The following SNCAIP variants were observed in gnomAD, a reference collection of about 807,000 sequenced individuals.
SNCAIP encodes the protein synuclein alpha interacting protein, also known as synphilin-1.
SNCAIP carries 43 observed loss-of-function variants against 86.7 expected under a neutral mutation model. The observed-to-expected ratio is 0.50, with a 90% CI of 0.39 to 0.64. The LOEUF (loss-of-function observed/expected upper bound fraction) is 0.64. Ranked by LOEUF, SNCAIP falls within the 30% of genes least tolerant of loss-of-function variation. SNCAIP has a pLI of 0.00. For missense variants in SNCAIP, 981 were observed against 1,103.1 expected, an observed-to-expected ratio of 0.89 and a Z score of 1.57; for synonymous variants, 417 against 427.2, an observed-to-expected ratio of 0.98 and a Z score of 0.29.
intron 1 of SNCAIP, among the ~76,000 whole-genome samples, chr5:122,340,763 T>G (rs1417525852): frequency 6.6e-6 from 1 of 152,206 alleles, no homozygotes; most frequent in South Asian, 2.1e-4. Context: ...ACTCAATTAT[T>G]CAAAAGCACA....
chr5:122,393,831 C>T (rs945855418), intron 2 of SNCAIP, among the ~76,000 whole-genome samples: 1 of 152,176 alleles, frequency 6.6e-6, no homozygotes, highest in African/African-American at 2.4e-5. Context: ...GTGATCCAGA[C>T]TTCATACCTT....
At position 122,450,544 on chromosome 5, in the gene SNCAIP, C is replaced by T. The variant is rs1286203994; in HGVS notation, c.1697C>T (p.Ser566Leu). 1.2e-6 allele frequency: 2 copies of T among 1,613,360 alleles called. No homozygotes were observed. The highest frequency in any genetic ancestry group is 1.7e-5 in the Admixed American group (1 of 60,026). ...CATCTTCTTTTTAGTTCACCATCCT[C>T]ACCTGCCTCCAGAAAGTCCCAGTGG... ...SLPSSPSSPS[S>L]PASRKSQWKS... is the part of the protein sequence containing the mutation. The change falls in exon 10 of 11, where the codon TCA (serine) becomes TTA (leucine). Residue 566 changes from serine (S) to leucine (L), a missense_variant. Ser to Leu is a moderately radical substitution (Grantham distance 145, BLOSUM62 -2). Transcript: ENST00000261368.
chr5:122,444,337 T>TCCTCCTCTCCTTCCCAGCCC (rs1781808094), intron 7 of SNCAIP: 3 of 591,892 alleles, frequency 5.1e-6, no homozygotes, highest in Non-Finnish European at 6.2e-6. Context: ...ATGGACAGCC[T>TCCTCCTCTCCTTCCCAGCCC]CCTCCTCTCC....
intron 1 of SNCAIP, among the ~76,000 whole-genome samples, chr5:122,350,490 G>A (rs557494781): frequency 2.7e-5 from 4 of 150,776 alleles, no homozygotes; most frequent in Admixed American, 2.0e-4. Flanking sequence ...CTTACAAAGG[G>A]TTTACAAGGA....
intron 6 of SNCAIP, among the ~76,000 whole-genome samples, chr5:122,432,769 A>G (rs1778665388): frequency 1.3e-5 from 2 of 152,160 alleles, no homozygotes; most frequent in South Asian, 4.1e-4. Context: ...GTTAAAAAAA[A>G]AAATTACTAC....
intron 1 of SNCAIP, among the ~76,000 whole-genome samples, chr5:122,350,647 C>T (rs1286369482): frequency 6.6e-6 from 1 of 152,060 alleles, no homozygotes; most frequent in Non-Finnish European, 1.5e-5. Flanking sequence ...ATGCAACAAT[C>T]ATCTTATTTT....
At chr5:122,328,330 T>C (rs1226235618) in intron 1 of SNCAIP, among the ~76,000 whole-genome samples, 1 of 152,230 alleles carries the variant, frequency 6.6e-6, no homozygotes, top group East Asian at 1.9e-4. Context: ...CATTTTGATG[T>C]TTATCAGCTC....
At position 122,403,855 on chromosome 5, in the gene SNCAIP, A is replaced by G. The variant is rs775801905; in HGVS notation, c.120A>G (p.Glu40=). 6.2e-7 allele frequency: 1 copy of G among 1,613,472 alleles called. No homozygotes were observed. Among genetic ancestry groups the G allele is most frequent in the South Asian group, 1.1e-5 (1 of 91,072 alleles). Residue 40 remains glutamate (E), a synonymous_variant, in exon 3 of 11, where the codon GAA becomes GAG. Transcript: ENST00000261368. ...GCCGAAGATGTGATACGCAAAACGA[A>G]GACAGATCAGGTAGGTTTTGCTCCT... ...ELCRRCDTQN[E]DRSVSSSSWN... is the part of the protein sequence containing the mutation.
At chr5:122,382,162 A>G (rs1766977944) in intron 1 of SNCAIP, among the ~76,000 whole-genome samples, 2 of 152,124 alleles carry the variant, frequency 1.3e-5, no homozygotes, top group East Asian at 1.9e-4. Context: ...CATTCTCCCC[A>G]TCACTTTCAG....
At chr5:122,444,437 T>C in intron 7 of SNCAIP, 126 bp from the exon 8 acceptor site, 1 of 812,708 alleles carries the variant, frequency 1.2e-6, no homozygotes, top group Non-Finnish European at 2.2e-6. Context: ...TGAAGGGAGG[T>C]GTGTGATATT....
Position 122,423,464 on chromosome 5 carries a change from G to C in SNCAIP, c.727G>C (p.Val243Leu), listed in dbSNP as rs947326923. Residue 243 changes from valine to leucine, a missense_variant, in exon 4 of 11, where the codon GTT becomes CTT. Physicochemically the swap from Val to Leu is conservative, Grantham distance 32. Transcript: ENST00000261368. Reference sequence around the variant, plus strand: ...AGAAACCGAGATCTCACCTCCTCTGGTTAAATGTGGCTCTGCATATGAGCC... The same window carrying C: ...AGAAACCGAGATCTCACCTCCTCTGCTTAAATGTGGCTCTGCATATGAGCC... Reference protein sequence around the residue: ...TEETEISPPLVKCGSAYEPEN... With the variant: ...TEETEISPPLLKCGSAYEPEN... 3 of 1,614,158 alleles carry C rather than the reference G, an allele frequency of 1.9e-6. No individual in the cohort carries two copies. The highest frequency in any genetic ancestry group is 2.5e-6 in the Non-Finnish European group (3 of 1,180,018).
chr5:122,461,200 C>T (rs532253047), intron 10 of SNCAIP, among the ~76,000 whole-genome samples: 86 of 152,258 alleles, frequency 5.6e-4, no homozygotes, highest in Non-Finnish European at 1.1e-3. Flanking sequence ...TCTTTTGCTT[C>T]TAATGTGTCT....
At chr5:122,398,469 G>A (rs934553826) in intron 2 of SNCAIP, among the ~76,000 whole-genome samples, 1 of 152,208 alleles carries the variant, frequency 6.6e-6, no homozygotes, top group East Asian at 1.9e-4. Context: ...AAAATATTAT[G>A]TTCTGAAAAT....
chr5:122,377,320 C>T (rs1039341275), intron 1 of SNCAIP, among the ~76,000 whole-genome samples: 1 of 151,900 alleles, frequency 6.6e-6, no homozygotes, highest in Non-Finnish European at 1.5e-5. Context: ...TATGTTTTTT[C>T]TTTGTGTATG....
intron 3 of SNCAIP, among the ~76,000 whole-genome samples, chr5:122,412,955 G>A (rs991781417): frequency 1.6e-4 from 24 of 152,260 alleles, no homozygotes; most frequent in Admixed American, 8.5e-4. Flanking sequence ...AAATGTTTGC[G>A]TCCCTCCAGA....
rs1314199183 is a variant in SNCAIP at position 122,358,193 on chromosome 5, GTGTGTGTGTGTA to G, written c.-46-32894_-46-32883del. On this transcript the variant is annotated intron_variant, in intron 1 of 10. Transcript: ENST00000261368. ...TGTGTGTGTGTGTGTGTGTGTGTGTGTGTGTGTGTGTATATATATATATATAAAATACTTTAA... is the reference window on the plus strand; with the variant it reads ...TGTGTGTGTGTGTGTGTGTGTGTGTGTATATATATATATAAAATACTTTAA... Among the ~76,000 whole-genome samples, 411 of 98,138 alleles carry G rather than the reference GTGTGTGTGTGTA, an allele frequency of 4.2e-3. 2 individuals are homozygous for G. Among genetic ancestry groups the G allele is most frequent in the African/African-American group, 0.016 (384 of 24,568 alleles). 64.4% of individuals were successfully genotyped at this position (98,138 alleles called of 152,430 possible). A position where few individuals can be genotyped will look rare whatever the true frequency, so the allele number is the denominator to read the frequency against.
intron 1 of SNCAIP, chr5:122,336,889 C>T (rs970436130): frequency 1.8e-4 from 28 of 152,406 alleles, no homozygotes; most frequent in Admixed American, 9.2e-4. Flanking sequence ...AGGTGTGAGC[C>T]ACCACACTGG....
At chr5:122,385,615 G>A (rs1031362240) in intron 1 of SNCAIP, among the ~76,000 whole-genome samples, 1 of 151,706 alleles carries the variant, frequency 6.6e-6, no homozygotes, top group African/African-American at 2.4e-5. Context: ...CGATGTTCAG[G>A]CTTTCAAATT....
Position 122,438,765 on chromosome 5 carries a change from G to C in SNCAIP, c.1297-1864G>C, listed in dbSNP as rs139343951. On this transcript the variant is annotated intron_variant, in intron 6 of 10. Coordinates refer to ENST00000261368, the MANE Select transcript of SNCAIP (RefSeq NM_005460.4). ...TCAGTTTTCTGACTTATAAAATAAGGCTTTTTGAATTGGATGATTCTTTAA... is the reference window on the plus strand; with the variant it reads ...TCAGTTTTCTGACTTATAAAATAAGCCTTTTTGAATTGGATGATTCTTTAA... Among the ~76,000 whole-genome samples, 3 of 152,258 alleles carry C rather than the reference G, an allele frequency of 2.0e-5. No individual in the cohort carries two copies. In the South Asian group the frequency reaches 6.2e-4, roughly 32 times the overall value.
Sources: allele counts gnomAD v4.1 joint callset (sites outside exome capture counted in the v4.1 genomes callset), GRCh38; gene constraint gnomAD v4.1.1; transcripts MANE v1.5; gene names NCBI Gene and HGNC (gene_info 2026-07-23, HGNC 2026-07-21).